C4orf51: variants seen among roughly 807,000 people sequenced by gnomAD.
The protein encoded by C4orf51 is chromosome 4 open reading frame 51, also known as uncharacterized protein C4orf51.
Under a neutral mutation model 25.2 loss-of-function variants are expected in C4orf51, and 25 were observed. The ratio of observed to expected loss-of-function variants is 0.99; its 90% confidence interval spans 0.72 to 1.39. The LOEUF (loss-of-function observed/expected upper bound fraction) is 1.39. C4orf51 is among the 40% of genes most tolerant of loss of function. C4orf51 has a pLI of 0.00. For missense variants in C4orf51, 252 were observed against 239.6 expected (o/e 1.05, Z -0.34); for synonymous variants, 100 against 84.5 (o/e 1.18, Z -1.01).
intron 2 of C4orf51, among the ~76,000 whole-genome samples, chr4:145,716,888 G>A (rs1239100053): frequency 6.6e-6 from 1 of 152,166 alleles, no homozygotes; most frequent in African/African-American, 2.4e-5. Context: ...ACAGCTAACC[G>A]TGTGTGCTAT....
chr4:145,706,222 CTTA>C (rs1730803199), intron 2 of C4orf51, among the ~76,000 whole-genome samples: 1 of 152,128 alleles, frequency 6.6e-6, no homozygotes, highest in African/African-American at 2.4e-5. Context: ...AAGCTTTAGT[CTTA>C]TTATACTTGG....
At chr4:145,727,920 T>TATATAA (rs1560851157) in intron 3 of C4orf51, among the ~76,000 whole-genome samples, 1 of 102,896 alleles carries the variant, frequency 9.7e-6, no homozygotes, top group Non-Finnish European at 1.8e-5. Flanking sequence ...TATATATATA[T>TATATAA]ATAAAATATA....
intron 1 of C4orf51, among the ~76,000 whole-genome samples, chr4:145,751,557 C>T (rs1391587572): frequency 3.9e-5 from 6 of 152,208 alleles, no homozygotes; most frequent in Non-Finnish European, 8.8e-5. Flanking sequence ...CATCGCACTA[C>T]CACTGGGACT....
chr4:145,771,152 T>C (rs747536412), downstream of C4orf51: 1 of 152,244 alleles, frequency 6.6e-6, no homozygotes, highest in Non-Finnish European at 1.5e-5. Context: ...ATACTCTATG[T>C]AGTAAATATA....
At chr4:145,736,813 C>T (rs536607085), downstream of C4orf51, among the ~76,000 whole-genome samples, 1 of 152,116 alleles carries the variant, frequency 6.6e-6, no homozygotes, top group Non-Finnish European at 1.5e-5. Context: ...TGAGAGATTC[C>T]AAGCCCTAAA....
At chr4:145,740,552 C>CTTTCAAA in intron 1 of C4orf51, among the ~76,000 whole-genome samples, 1 of 152,142 alleles carries the variant, frequency 6.6e-6, no homozygotes, top group Non-Finnish European at 1.5e-5. Context: ...GAATAATAAC[C>CTTTCAAA]ACCCCTTGTT....
chr4:145,703,305 C>T (rs1730584606), intron 2 of C4orf51, among the ~76,000 whole-genome samples: 2 of 152,100 alleles, frequency 1.3e-5, no homozygotes, highest in South Asian at 4.2e-4. Flanking sequence ...ACCTTGCGAC[C>T]CCCACTCCTG....
At chr4:145,721,075 G>A (rs1162211429) in intron 2 of C4orf51, among the ~76,000 whole-genome samples, 1 of 152,152 alleles carries the variant, frequency 6.6e-6, no homozygotes, top group African/African-American at 2.4e-5. Context: ...GGCCAGGTGT[G>A]GTGGCTCACA....
downstream of C4orf51, chr4:145,775,683 G>T: frequency 7.3e-7 from 1 of 1,368,700 alleles, no homozygotes; most frequent in South Asian, 1.3e-5. Context: ...GCCAGGCTAT[G>T]ACTGAGAAAA....
At chr4:145,791,876 G>A in the C4orf51 span, among the ~76,000 whole-genome samples, 1 of 152,178 alleles carries the variant, frequency 6.6e-6, no homozygotes, top group Non-Finnish European at 1.5e-5. Context: ...AAATCAGCTT[G>A]TTCTTACATA....
rs759285251 is a variant in C4orf51, at chr4:145,729,926, G to C, written c.462G>C (p.Leu154=). The C allele has an allele frequency of 3.7e-6, 6 of 1,613,844 alleles. No homozygotes were observed. The African/African-American group carries it at 8.0e-5, about 22-fold the overall frequency. ...CTAAAAAGCCAGCACAGGAGGCCCT[G>C]ATAAACTACAGTCGACGAGGGAAAG... is the stretch of plus-strand genomic sequence containing the variant. ...VRPKKPAQEA[L]INYSRRGKGV... Residue 154 remains leucine, a synonymous_variant, in exon 5 of 6, where the codon CTG becomes CTC. Transcript: ENST00000438731.
chr4:145,740,240 CAAAAAAAAAAAA>C (rs60310006), intron 1 of C4orf51, among the ~76,000 whole-genome samples: 69 of 104,836 alleles, frequency 6.6e-4, no homozygotes, highest in African/African-American at 3.3e-4. Flanking sequence ...TCCCTTTCTG[CAAAAAAAAAAAA>C]AAAAAAAAAA....
intron 3 of C4orf51, among the ~76,000 whole-genome samples, chr4:145,727,704 C>T (rs1277689583): frequency 1.3e-5 from 2 of 149,350 alleles, no homozygotes; most frequent in African/African-American, 4.9e-5. Context: ...AGTGAAACCC[C>T]ATCTCTACTA....
chr4:145,781,390 T>G, the C4orf51 span, among the ~76,000 whole-genome samples: 2 of 151,946 alleles, frequency 1.3e-5, no homozygotes, highest in Non-Finnish European at 2.9e-5. Context: ...ATTTGCCAGA[T>G]AGGGAAGAAG....
intron 2 of C4orf51, among the ~76,000 whole-genome samples, chr4:145,711,155 C>G (rs1301587857): frequency 6.6e-6 from 1 of 152,116 alleles, no homozygotes. Context: ...CCAAATTGCC[C>G]TTAAAGCTTC....
In C4orf51 at chr4:145,721,121, C is replaced by T. The variant is rs951371324; in HGVS notation, c.308-5790C>T. Among the ~76,000 whole-genome samples the T allele has an allele frequency of 6.6e-5, 10 of 151,658 alleles. No individual in the cohort carries two copies. In the East Asian group the frequency reaches 1.7e-3, roughly 26 times the overall value. ...CAGCACTTTGGGAGGCTGAGGTGGG[C>T]GGATCACAAGGTCAGGAGTTTGAGA... is the stretch of plus-strand genomic sequence containing the variant. On this transcript the variant is annotated intron_variant, in intron 2 of 5. Transcript: ENST00000438731.
At chr4:145,775,718 G>A (rs976067028), downstream of C4orf51, 1 of 1,576,702 alleles carries the variant, frequency 6.3e-7, no homozygotes, top group Non-Finnish European at 8.7e-7. Flanking sequence ...TATGCCCACA[G>A]CAGACAGGTA....
At chr4:145,786,868 T>A in the C4orf51 span, among the ~76,000 whole-genome samples, 2 of 152,202 alleles carry the variant, frequency 1.3e-5, no homozygotes, top group African/African-American at 4.8e-5. Flanking sequence ...ATCTACCGTT[T>A]TAGAATTTCC....
At chr4:145,776,009 A>C, downstream of C4orf51, 2 of 1,607,610 alleles carry the variant, frequency 1.2e-6, no homozygotes, top group Non-Finnish European at 1.7e-6. Context: ...CAAAAAAGGA[A>C]GTCCCAACAC....
Sources: gnomAD v4.1 joint callset for allele counts (sites outside exome capture counted in the v4.1 genomes callset) on GRCh38, gnomAD v4.1.1 for gene constraint, MANE v1.5 for transcripts, NCBI Gene and HGNC (gene_info 2026-07-23, HGNC 2026-07-21) for gene names.